Variants in EIF4G3 observed in about 807,000 individuals in gnomAD.
EIF4G3 encodes eukaryotic translation initiation factor 4 gamma 3.
A neutral mutation model predicts 186.4 loss-of-function variants in EIF4G3; 34 were observed. The ratio of observed to expected loss-of-function variants is 0.18; its 90% CI spans 0.14 to 0.24. EIF4G3 has a LOEUF of 0.24. Among genes scored for constraint, EIF4G3 ranks in the 10% least tolerant of loss-of-function variants. The pLI is 1.00. For missense variants in EIF4G3, 1,536 were observed against 1,948.5 expected (o/e 0.79, Z 3.99); for synonymous variants, 673 against 679.5 (o/e 0.99, Z 0.15).
At chr1:20,968,399 C>CG (rs1331762293) in intron 12 of EIF4G3, among the ~76,000 whole-genome samples, 1 of 152,006 alleles carries the variant, frequency 6.6e-6, no homozygotes, top group Non-Finnish European at 1.5e-5. Context: ...AGATTGGTCT[C>CG]GAACTCCAGA....
At chr1:21,117,677 A>G (rs2096848609) in intron 2 of EIF4G3, among the ~76,000 whole-genome samples, 1 of 146,754 alleles carries the variant, frequency 6.8e-6, no homozygotes, top group Non-Finnish European at 1.5e-5. Flanking sequence ...AACCCTGAGC[A>G]TGAAAGCACT....
At chr1:20,882,070 G>T (rs1208334540) in intron 19 of EIF4G3, among the ~76,000 whole-genome samples, 1 of 151,922 alleles carries the variant, frequency 6.6e-6, no homozygotes, top group Non-Finnish European at 1.5e-5. Flanking sequence ...GGCTGAGGCA[G>T]GAAGATCGCT....
chr1:20,817,325 G>C (rs938160541), intron 34 of EIF4G3, 67 bp downstream of exon 34: 3 of 1,101,048 alleles, frequency 2.7e-6, no homozygotes, highest in Non-Finnish European at 3.7e-6. Flanking sequence ...ATAGGTAAGC[G>C]AATTAAGGGG....
intron 4 of EIF4G3, among the ~76,000 whole-genome samples, chr1:21,026,519 C>CA (rs35267047): frequency 1.4e-3 from 185 of 135,532 alleles, no homozygotes; most frequent in South Asian, 2.1e-3. Flanking sequence ...AAGGCAGAAG[C>CA]AAAAAAAAAA....
chr1:20,879,619 TC>T, intron 19 of EIF4G3, 99 bp from the exon 20 acceptor site: 1 of 675,332 alleles, frequency 1.5e-6, no homozygotes, highest in Non-Finnish European at 2.2e-6. Context: ...AAGTTCAACT[TC>T]TCAAATTATT....
rs2096624618 is a variant in EIF4G3 at position 21,106,721 on chromosome 1, C to T, written c.-271-17508G>A. Among the ~76,000 whole-genome samples, 3 of 151,236 alleles carry T rather than the reference C, an allele frequency of 2.0e-5. No homozygotes were observed. The South Asian group carries it at 6.3e-4, about 32-fold the overall frequency. ...ATGAACATAAAAATAGCATTTAATGCCAAAAAAAATTAAAAAATTAAAAAA... is the reference window on the plus strand; with the variant it reads ...ATGAACATAAAAATAGCATTTAATGTCAAAAAAAATTAAAAAATTAAAAAA... On this transcript the variant is annotated intron_variant, in intron 2 of 36. Transcript: ENST00000602326.
chr1:21,130,105 C>T (rs1572998537), intron 2 of EIF4G3, among the ~76,000 whole-genome samples: 2 of 151,874 alleles, frequency 1.3e-5, no homozygotes, highest in South Asian at 4.2e-4. Context: ...AAAACCCAAG[C>T]TAGAGCCAAG....
intron 29 of EIF4G3, among the ~76,000 whole-genome samples, chr1:20,847,031 A>T (rs1436479819): frequency 6.6e-6 from 1 of 152,208 alleles, no homozygotes; most frequent in East Asian, 1.9e-4. Context: ...TGACACACTA[A>T]TACCCCAAAG....
chr1:20,985,048 C>CACA (rs2079145260), intron 7 of EIF4G3, among the ~76,000 whole-genome samples: 1 of 152,162 alleles, frequency 6.6e-6, no homozygotes, highest in Admixed American at 6.5e-5. Context: ...TAGGCATGTA[C>CACA]TTTTAACTGT....
chr1:21,150,148 C>A (rs2097527219), intron 2 of EIF4G3, among the ~76,000 whole-genome samples: 1 of 152,236 alleles, frequency 6.6e-6, no homozygotes, highest in Non-Finnish European at 1.5e-5. Flanking sequence ...TTCACAGGAA[C>A]CACAGCAGCC....
chr1:21,149,365 T>A (rs573824349), intron 2 of EIF4G3, among the ~76,000 whole-genome samples: 2 of 152,276 alleles, frequency 1.3e-5, no homozygotes, highest in East Asian at 3.9e-4. Context: ...GTATTTTCCA[T>A]AATGATCACA....
chr1:20,845,130 T>C (rs922501489), intron 29 of EIF4G3, among the ~76,000 whole-genome samples: 1 of 152,216 alleles, frequency 6.6e-6, no homozygotes, highest in Admixed American at 6.5e-5. Flanking sequence ...AGTTGATTTT[T>C]GTATATGGTA....
chr1:20,989,051 AGGAGAGGAGGGGAGG>A (rs2080276291), intron 7 of EIF4G3, among the ~76,000 whole-genome samples: 3 of 6,418 alleles, frequency 4.7e-4, no homozygotes, highest in Admixed American at 4.5e-3. Context: ...AAGAGAGGAG[AGGAGAGGAGGGGAGG>A]GGAGGGGAGG....
At chr1:21,159,124 G>A (rs2097713897) in intron 2 of EIF4G3, among the ~76,000 whole-genome samples, 1 of 152,140 alleles carries the variant, frequency 6.6e-6, no homozygotes, top group African/African-American at 2.4e-5. Flanking sequence ...CTCAGATGTT[G>A]GCAAAGCTTA....
chr1:21,006,963 A>AC (rs1464865003), intron 4 of EIF4G3, among the ~76,000 whole-genome samples: 1 of 152,250 alleles, frequency 6.6e-6, no homozygotes, highest in Admixed American at 6.5e-5. Context: ...CATATAAGTC[A>AC]GAGATGAAAT....
At chr1:20,843,767 A>G (rs1171613277) in intron 29 of EIF4G3, among the ~76,000 whole-genome samples, 1 of 152,122 alleles carries the variant, frequency 6.6e-6, no homozygotes, top group Admixed American at 6.6e-5. Flanking sequence ...TAAGCCTAGT[A>G]TCCATTAGTT....
intron 4 of EIF4G3, among the ~76,000 whole-genome samples, chr1:21,004,548 T>C (rs1028077518): frequency 3.3e-5 from 5 of 152,154 alleles, no homozygotes; most frequent in African/African-American, 9.6e-5. Flanking sequence ...TCAAGGCAGT[T>C]TGTGAAGATT....
At chr1:21,031,136 A>T (rs929639877) in intron 4 of EIF4G3, among the ~76,000 whole-genome samples, 1 of 152,012 alleles carries the variant, frequency 6.6e-6, no homozygotes, top group Non-Finnish European at 1.5e-5. Context: ...CAGTGAGCCA[A>T]GATCACACCA....
Position 21,130,216 on chromosome 1 carries a change from C to CTTTTT in EIF4G3, c.-271-41008_-271-41004dup, listed in dbSNP as rs71014159. On this transcript the variant is annotated intron_variant, in intron 2 of 36. Coordinates refer to ENST00000602326, the MANE Select transcript of EIF4G3 (RefSeq NM_001391906.1). ...CTGGGCAACACAGGAGACCCCATCT[C>CTTTTT]TTTTTTTTTTTTTTTTTTTTTTTTT... 2.1e-4 allele frequency among the ~76,000 whole-genome samples: 16 copies of CTTTTT among 75,350 alleles called. 1 individual carries two copies. Among genetic ancestry groups the CTTTTT allele is most frequent in the South Asian group, 6.3e-4 (1 of 1,600 alleles). 49.4% of individuals were successfully genotyped at this position (75,350 alleles called of 152,430 possible).
Sources: allele counts gnomAD v4.1 joint callset (sites outside exome capture counted in the v4.1 genomes callset), GRCh38; gene constraint gnomAD v4.1.1; transcripts MANE v1.5; gene names NCBI Gene and HGNC (gene_info 2026-07-23, HGNC 2026-07-21).